Variants in SNRNP70 observed in about 807,000 individuals in gnomAD.
The protein encoded by SNRNP70 is small nuclear ribonucleoprotein U1 subunit 70, also known as U1 small nuclear ribonucleoprotein 70 kDa.
A neutral mutation model predicts 50.5 loss-of-function variants in SNRNP70; 8 were observed. That is an observed-to-expected ratio of 0.16 (90% confidence interval 0.09 to 0.29). The LOEUF is 0.29. Ranked by LOEUF, SNRNP70 falls within the 10% of genes least tolerant of loss-of-function variation. SNRNP70 has a pLI of 1.00. For missense variants in SNRNP70, 529 were observed against 663.5 expected, an observed-to-expected ratio of 0.80 and a Z score of 2.23; for synonymous variants, 320 against 252.9, an observed-to-expected ratio of 1.27 and a Z score of -2.52.
In SNRNP70 at chr19:49,108,024, G is replaced by A. The variant is rs1176407365; in HGVS notation, c.895G>A (p.Ala299Thr). 1.9e-6 allele frequency: 3 copies of A among 1,548,018 alleles called. No homozygotes were observed. The highest frequency in any genetic ancestry group is 2.6e-6 in the Non-Finnish European group (3 of 1,146,550). ...GCGAAGCAGCCGGAGTCGGGAGCGG[G>A]CCCGGCGGGAGCGGGAGCGCAAGGA... ...KRRSSRSRER[A>T]RRERERKEEL... is the part of the protein sequence containing the mutation. Residue 299 changes from alanine (A) to threonine (T), a missense_variant, in exon 10 of 10, where the codon GCC becomes ACC. Around this residue, in one of 4 missense-constraint regions of SNRNP70, gnomAD observed 327 missense variants for 308.8 expected, o/e 1.06. Transcript: ENST00000598441.
In SNRNP70 at chr19:49,104,776, G is replaced by A. The variant is rs1221122710; in HGVS notation, c.577+41G>A. 3 of 1,314,952 alleles carry A rather than the reference G, an allele frequency of 2.3e-6. No individual in the cohort carries two copies. Among genetic ancestry groups the A allele is most frequent in the Non-Finnish European group, 3.1e-6 (3 of 965,084 alleles). The allele number at this position is 1,314,952 out of a possible 1,614,324, so 81.5% of individuals were successfully genotyped here. A position where few individuals can be genotyped will look rare whatever the true frequency, so the allele number is the denominator to read the frequency against. On this transcript the variant is annotated intron_variant, in intron 8 of 9. Coordinates refer to ENST00000598441, the MANE Select transcript of SNRNP70 (RefSeq NM_003089.6). The surrounding 1 kb of genome is among the most constrained non-coding windows in gnomAD (Gnocchi z 5.4). ...CTTCGACGGGCTCTCGGGGGCCCTG[G>A]GCCTGGTGGCCTTGTTCTCCCTTCT...
At chr19:49,092,173 A>T (rs756514871) in intron 4 of SNRNP70, among the ~76,000 whole-genome samples, 1 of 152,100 alleles carries the variant, frequency 6.6e-6, no homozygotes, top group Non-Finnish European at 1.5e-5. Flanking sequence ...CAGTGGTGCA[A>T]TCTTGGCTCA....
intron 4 of SNRNP70, among the ~76,000 whole-genome samples, chr19:49,093,989 C>T (rs1360693741): frequency 2.0e-5 from 3 of 152,116 alleles, no homozygotes; most frequent in Admixed American, 6.6e-5. Context: ...CGCCATTACA[C>T]TCCAGCCCGG....
At chr19:49,101,687 A>T (rs1423002578) in intron 7 of SNRNP70, 31 of 554,368 alleles carry the variant, frequency 5.6e-5, no homozygotes, top group Non-Finnish European at 9.4e-5. Context: ...TGTGTGTGTG[A>T]ACCTGGGGAG....
At chr19:49,085,719 G>A (rs538302109) in intron 1 of SNRNP70, 83 bp downstream of exon 1, 19 of 447,194 alleles carry the variant, frequency 4.2e-5, no homozygotes, top group Admixed American at 9.5e-5. Context: ...CCTCTTCCCC[G>A]CGGCCAGGCC....
Position 49,104,493 on chromosome 19 carries a change from C to T in SNRNP70, c.476-141C>T. ...TTTGGGAGAGGGTTGGTCTGGCTGTCAGTTGCCTGGCTGTCTGTTGGGCGT... is the reference window on the plus strand; with the variant it reads ...TTTGGGAGAGGGTTGGTCTGGCTGTTAGTTGCCTGGCTGTCTGTTGGGCGT... On this transcript the variant is annotated intron_variant, in intron 7 of 9. Coordinates refer to ENST00000598441, the MANE Select transcript of SNRNP70 (RefSeq NM_003089.6). This position sits in a 1 kb window ranked among gnomAD's most constrained non-coding sequence, Gnocchi z 5.4. The T allele has an allele frequency of 1.5e-6, 1 of 675,444 alleles. No individual in the cohort carries two copies. The highest frequency in any genetic ancestry group is 2.7e-6 in the Non-Finnish European group (1 of 376,674). The allele number at this position is 675,444 out of a possible 1,614,324, so 41.8% of individuals were successfully genotyped here. A position where few individuals can be genotyped will look rare whatever the true frequency, so the allele number is the denominator to read the frequency against.
Position 49,108,204 on chromosome 19 carries a change from C to A in SNRNP70, c.1075C>A (p.Arg359=). The A allele has an allele frequency of 6.5e-7, 1 of 1,532,648 alleles. No homozygotes were observed. Among genetic ancestry groups the A allele is most frequent in the South Asian group, 1.2e-5 (1 of 81,424 alleles). 94.9% of individuals were successfully genotyped at this position (1,532,648 alleles called of 1,614,324 possible). ...DRDRERRRSH[R]SERERRRDRD... Reference sequence around the variant, plus strand: ...TGACCGGGAGCGACGGCGGAGCCACCGGAGCGAGCGCGAGCGGCGCCGGGA... The same window carrying A: ...TGACCGGGAGCGACGGCGGAGCCACAGGAGCGAGCGCGAGCGGCGCCGGGA... Residue 359 remains arginine, a synonymous_variant, in exon 10 of 10, where the codon CGG becomes AGG. Coordinates refer to ENST00000598441, the MANE Select transcript of SNRNP70 (RefSeq NM_003089.6).
Position 49,107,092 on chromosome 19 carries a change from G to A in SNRNP70, c.578-533G>A, listed in dbSNP as rs1239502575. Among the ~76,000 whole-genome samples, 3 of 152,192 alleles carry A rather than the reference G, an allele frequency of 2.0e-5. No homozygotes were observed. The highest frequency in any genetic ancestry group is 2.9e-5 in the Non-Finnish European group (2 of 68,034). On this transcript the variant is annotated intron_variant, in intron 8 of 9. Coordinates refer to ENST00000598441, the MANE Select transcript of SNRNP70 (RefSeq NM_003089.6). The surrounding 1 kb of genome is among the most constrained non-coding windows in gnomAD (Gnocchi z 6.0). ...AGGGGAGACCAGTCCAGGGCAAGGA[G>A]AATGCACAGACACTGGCAGGAAGGT...
intron 1 of SNRNP70, among the ~76,000 whole-genome samples, chr19:49,085,915 G>A (rs2040372201): frequency 6.6e-6 from 1 of 151,982 alleles, no homozygotes; most frequent in Admixed American, 6.6e-5. Flanking sequence ...AATTCCTTTC[G>A]CTTTTTGCGG....
At chr19:49,102,576 G>A (rs1003737294) in intron 7 of SNRNP70, 1 of 187,608 alleles carries the variant, frequency 5.3e-6, no homozygotes, top group Non-Finnish European at 1.1e-5. Context: ...GGCTGCTACT[G>A]TGCTGGCCCT....
intron 4 of SNRNP70, among the ~76,000 whole-genome samples, chr19:49,095,536 CTT>C (rs751326005): frequency 1.5e-4 from 21 of 137,396 alleles, no homozygotes; most frequent in East Asian, 2.0e-4. Context: ...GGGTAGACAC[CTT>C]TTTTTTTTTT....
chr19:49,098,482 G>A lies in SNRNP70; in HGVS notation c.321G>A (p.Val107=). 6.2e-7 allele frequency: 1 copy of A among 1,613,804 alleles called. No homozygotes were observed. The highest frequency in any genetic ancestry group is 8.5e-7 in the Non-Finnish European group (1 of 1,179,818). The stretch of plus-strand genomic sequence containing the variant: ...GGGATGCCTTCAAGACTCTCTTCGT[G>A]GCGAGAGTGGTAAGTCCCCAGCTCC... The part of the protein sequence containing the change: ...AQGDAFKTLF[V]ARVNYDTTES... The change falls in exon 5 of 10, where the codon GTG becomes GTA. Residue 107 remains valine (V), a synonymous_variant. Coordinates refer to ENST00000598441, the MANE Select transcript of SNRNP70 (RefSeq NM_003089.6).
At chr19:49,097,719 A>G (rs1411288504) in intron 4 of SNRNP70, among the ~76,000 whole-genome samples, 1 of 152,182 alleles carries the variant, frequency 6.6e-6, no homozygotes. Context: ...CAGCAGGATC[A>G]CCTATGAAAT....
At chr19:49,086,221 C>T (rs148996813) in intron 1 of SNRNP70, among the ~76,000 whole-genome samples, 184 bp from the exon 2 acceptor site, 120 of 152,310 alleles carry the variant, frequency 7.9e-4, no homozygotes, top group Middle Eastern at 3.4e-3. Context: ...ACCGGCCTTT[C>T]ACCTCCACCC....
chr19:49,092,298 G>A (rs952298561), intron 4 of SNRNP70, among the ~76,000 whole-genome samples: 1 of 151,806 alleles, frequency 6.6e-6, no homozygotes, highest in Admixed American at 6.6e-5. Context: ...TAGTAGAGGC[G>A]GGGTTTCAGC....
intron 2 of SNRNP70, among the ~76,000 whole-genome samples, chr19:49,086,965 C>G (rs887839972): frequency 3.3e-5 from 5 of 151,740 alleles, no homozygotes; most frequent in African/African-American, 1.2e-4. Context: ...GCAGGCGGAT[C>G]ACTTGAGGTG....
In SNRNP70 at chr19:49,085,641, G is replaced by A. The variant is rs546716745; in HGVS notation, c.-11+5G>A. The A allele has an allele frequency of 1.3e-5, 6 of 455,820 alleles. No individual in the cohort carries two copies. Among genetic ancestry groups the A allele is most frequent in the African/African-American group, 8.0e-5 (4 of 50,008 alleles). 28.2% of individuals were successfully genotyped at this position (455,820 alleles called of 1,614,324 possible). A position where few individuals can be genotyped will look rare whatever the true frequency, so the allele number is the denominator to read the frequency against. Reference sequence around the variant, plus strand: ...GAGCGAGGAGGGCGCTACGCGGTGAGTGAGTGTGACTGAGTGGCCCGACGG... The same window carrying A: ...GAGCGAGGAGGGCGCTACGCGGTGAATGAGTGTGACTGAGTGGCCCGACGG... On this transcript the variant is annotated splice_donor_5th_base_variant and intron_variant, in intron 1 of 9. Coordinates refer to ENST00000598441, the MANE Select transcript of SNRNP70 (RefSeq NM_003089.6).
intron 8 of SNRNP70, among the ~76,000 whole-genome samples, chr19:49,106,796 CTATT>C (rs2040675181): frequency 6.6e-6 from 1 of 152,192 alleles, no homozygotes; most frequent in African/African-American, 2.4e-5. Flanking sequence ...GTTCATCTAT[CTATT>C]CACTTGACAC....
intron 2 of SNRNP70, among the ~76,000 whole-genome samples, chr19:49,087,996 G>T (rs2040402933): frequency 6.6e-6 from 1 of 151,368 alleles, no homozygotes; most frequent in Non-Finnish European, 1.5e-5. Context: ...GGTTCAAGCA[G>T]TTCTCCTGCC....
Sources: gnomAD v4.1 joint callset for allele counts (sites outside exome capture counted in the v4.1 genomes callset) on GRCh38, gnomAD v4.1.1 for gene constraint, gnomAD v4.1.1 regional missense constraint, Gnocchi (gnomAD v3.1) non-coding constraint, MANE v1.5 for transcripts, NCBI Gene and HGNC (gene_info 2026-07-23, HGNC 2026-07-21) for gene names.